The following SLC39A14 variants were observed in gnomAD, a reference collection of about 807,000 sequenced individuals.
SLC39A14 encodes solute carrier family 39 member 14.
SLC39A14 carries 19 observed loss-of-function variants against 45.5 expected under a neutral mutation model. The ratio of observed to expected loss-of-function variants is 0.42; its 90% CI spans 0.29 to 0.61. The LOEUF (loss-of-function observed/expected upper bound fraction) is 0.61, where lower values mean the gene tolerates loss of function less well. Ranked by LOEUF, SLC39A14 falls within the 20% of genes least tolerant of loss-of-function variation. SLC39A14 has a pLI of 0.22. For missense variants in SLC39A14, 447 were observed against 616.5 expected, an observed-to-expected ratio of 0.73 and a Z score of 2.91; for synonymous variants, 264 against 251.3, an observed-to-expected ratio of 1.05 and a Z score of -0.48.
At chr8:22,430,870 A>T (rs1326249610) in intron 8 of SLC39A14, among the ~76,000 whole-genome samples, 1 of 151,840 alleles carries the variant, frequency 6.6e-6, no homozygotes, top group Non-Finnish European at 1.5e-5. Context: ...ACAAGGTTTT[A>T]CCATGTTGGC....
intron 1 of SLC39A14, among the ~76,000 whole-genome samples, chr8:22,397,600 A>G (rs7010727): frequency 0.13 from 20,380 of 151,718 alleles, 1,387 homozygotes; most frequent in East Asian, 0.19. Context: ...AAAAAAAAAA[A>G]AGAAAGACCT....
At chr8:22,375,637 G>A (rs1833175950) in intron 1 of SLC39A14, among the ~76,000 whole-genome samples, 1 of 152,042 alleles carries the variant, frequency 6.6e-6, no homozygotes, top group Non-Finnish European at 1.5e-5. Context: ...TTACAGGCAT[G>A]CACCACCATG....
At chr8:22,412,294 C>T in intron 4 of SLC39A14, 88 bp downstream of exon 4, 1 of 1,334,526 alleles carries the variant, frequency 7.5e-7, no homozygotes, top group South Asian at 1.4e-5. Flanking sequence ...AGAGAGGGCA[C>T]CTGGAGGCCC....
At chr8:22,392,603 G>A (rs1834141989) in intron 1 of SLC39A14, among the ~76,000 whole-genome samples, 1 of 152,236 alleles carries the variant, frequency 6.6e-6, no homozygotes, top group East Asian at 1.9e-4. Flanking sequence ...TGTCTGGGAA[G>A]TGTTGATGGA....
chr8:22,433,540 C>CTTTTTTTTTTTTT (rs555154342), intron 8 of SLC39A14, among the ~76,000 whole-genome samples: 2 of 118,246 alleles, frequency 1.7e-5, no homozygotes, highest in Non-Finnish European at 1.8e-5. Flanking sequence ...TTATTTTATG[C>CTTTTTTTTTTTTT]TTTTTTTTTT....
At chr8:22,427,005 T>G (rs917274417), downstream of SLC39A14, among the ~76,000 whole-genome samples, 6 of 151,330 alleles carry the variant, frequency 4.0e-5, no homozygotes, top group East Asian at 6.1e-4. Context: ...AAATATGGTT[T>G]GTTGGGGCCG....
At chr8:22,392,384 G>A (rs1388326777) in intron 1 of SLC39A14, among the ~76,000 whole-genome samples, 1 of 152,102 alleles carries the variant, frequency 6.6e-6, no homozygotes, top group East Asian at 1.9e-4. Flanking sequence ...TTGAACCCAG[G>A]GCGTGTGGCA....
intron 1 of SLC39A14, among the ~76,000 whole-genome samples, chr8:22,379,938 A>AG (rs1194654843): frequency 5.3e-5 from 7 of 132,290 alleles, no homozygotes; most frequent in African/African-American, 2.2e-4. Context: ...AAAAAAAAAA[A>AG]AAAAAAAAAG....
chr8:22,395,017 T>C lies in SLC39A14; in HGVS notation c.-15-9679T>C, dbSNP rs139564960. On this transcript the variant is annotated intron_variant, in intron 1 of 8. Coordinates refer to ENST00000381237, the MANE Select transcript of SLC39A14 (RefSeq NM_001128431.4). ...TGTTTCTCAATTTTCTTTTCTCTCT[T>C]TTTTTTTTTTTGAGACAGAGTCTCA... Among the ~76,000 whole-genome samples the C allele has an allele frequency of 6.1e-4, 42 of 69,340 alleles. No homozygotes were observed. In the East Asian group the frequency reaches 0.036, roughly 60 times the overall value. 45.5% of individuals were successfully genotyped at this position (69,340 alleles called of 152,430 possible).
chr8:22,394,751 T>G (rs954040222), intron 1 of SLC39A14, among the ~76,000 whole-genome samples: 6 of 152,166 alleles, frequency 3.9e-5, no homozygotes, highest in African/African-American at 1.4e-4. Flanking sequence ...TAAGTCGTAT[T>G]TCCCCCCTAG....
intron 7 of SLC39A14, among the ~76,000 whole-genome samples, chr8:22,417,352 T>G (rs1212837762): frequency 1.3e-5 from 2 of 152,190 alleles, no homozygotes; most frequent in Admixed American, 1.3e-4. Flanking sequence ...GTTTGGCAAA[T>G]GGAGACGGGT....
At chr8:22,410,400 A>G (rs1835500914) in intron 3 of SLC39A14, among the ~76,000 whole-genome samples, 1 of 152,184 alleles carries the variant, frequency 6.6e-6, no homozygotes, top group African/African-American at 2.4e-5. Flanking sequence ...TACATAAGGC[A>G]TCAAGGGAAA....
At position 22,416,592 on chromosome 8, in the gene SLC39A14, A is replaced by AT. The variant is rs74742507; in HGVS notation, c.1147+328dup. 9.2e-3 allele frequency among the ~76,000 whole-genome samples: 1,286 copies of AT among 139,180 alleles called. 13 individuals are homozygous for AT. The highest frequency in any genetic ancestry group is 0.029 in the African/African-American group (1,094 of 37,864). 91.3% of individuals were successfully genotyped at this position (139,180 alleles called of 152,430 possible). A position where few individuals can be genotyped will look rare whatever the true frequency, so the allele number is the denominator to read the frequency against. On this transcript the variant is annotated intron_variant, in intron 7 of 8. Transcript: ENST00000381237. The stretch of plus-strand genomic sequence containing the variant: ...GACGCCTGCCACCACACTCGGCTAA[A>AT]TTTTTTTTTTTTTTTTGGATTTTTA...
At position 22,402,059 on chromosome 8, in the gene SLC39A14, A is replaced by G. The variant is rs148947453; in HGVS notation, c.-15-2637A>G. ...ATTAATTGTTAATTGAGGGATTTAT[A>G]TATTTTCCTTATCACATAACTTTTC... On this transcript the variant is annotated intron_variant, in intron 1 of 8. Transcript: ENST00000381237. Among the ~76,000 whole-genome samples, 50 of 152,258 alleles carry G rather than the reference A, an allele frequency of 3.3e-4. No individual in the cohort carries two copies. The East Asian group carries it at 8.9e-3, about 27-fold the overall frequency.
intron 1 of SLC39A14, among the ~76,000 whole-genome samples, chr8:22,400,061 G>T (rs1834765799): frequency 1.3e-5 from 2 of 152,038 alleles, no homozygotes; most frequent in Admixed American, 6.5e-5. Flanking sequence ...TGCTTGTTGG[G>T]GCTGTTAGAC....
chr8:22,417,810 T>A lies in SLC39A14; in HGVS notation c.1307T>A (p.Phe436Tyr). ...NWIFALAGGM[F>Y]LYISLADMFP... ...ATTTTTGCGCTAGCTGGAGGAATGT[T>A]CTTGTATATTTCTCTGGCTGATATG... The change falls in exon 8 of 9, where the codon TTC (phenylalanine) becomes TAC (tyrosine). Residue 436 changes from phenylalanine to tyrosine, a missense_variant. Phe to Tyr is a conservative substitution (Grantham distance 22, BLOSUM62 3). Transcript: ENST00000381237. The A allele has an allele frequency of 6.2e-7, 1 of 1,614,056 alleles. No homozygotes were observed. The highest frequency in any genetic ancestry group is 1.3e-5 in the African/African-American group (1 of 75,044).
chr8:22,370,698 G>A (rs183940505), intron 1 of SLC39A14, among the ~76,000 whole-genome samples: 5 of 152,226 alleles, frequency 3.3e-5, no homozygotes, highest in East Asian at 1.9e-4. Context: ...AAGAGGAAGG[G>A]GCCATTTGTC....
At chr8:22,411,858 C>T in intron 3 of SLC39A14, 179 bp from the exon 4 acceptor site, 1 of 578,182 alleles carries the variant, frequency 1.7e-6, no homozygotes, top group East Asian at 2.8e-5. Context: ...ATTTCTCTCT[C>T]CCTCCCTACT....
chr8:22,397,875 T>C lies in SLC39A14; in HGVS notation c.-15-6821T>C, dbSNP rs115734404. Among the ~76,000 whole-genome samples, 1,465 of 152,252 alleles carry C rather than the reference T, an allele frequency of 9.6e-3. 28 individuals carry two copies. Among genetic ancestry groups the C allele is most frequent in the African/African-American group, 0.033 (1,369 of 41,542 alleles). ...GAAGGGCTGATGCAGAAATGAGCTG[T>C]TTTCCTGGGAGAGAACCCCAAGAGA... On this transcript the variant is annotated intron_variant, in intron 1 of 8. Coordinates refer to ENST00000381237, the MANE Select transcript of SLC39A14 (RefSeq NM_001128431.4).
Sources: gnomAD v4.1 joint callset for allele counts (sites outside exome capture counted in the v4.1 genomes callset) on GRCh38, gnomAD v4.1.1 for gene constraint, MANE v1.5 for transcripts, NCBI Gene and HGNC (gene_info 2026-07-23, HGNC 2026-07-21) for gene names.